RELCH: variants seen among roughly 807,000 people sequenced by gnomAD.
The protein encoded by RELCH is RAB11 binding and LisH domain, coiled-coil and HEAT repeat containing.
A neutral mutation model predicts 150.3 loss-of-function variants in RELCH; 41 were observed. The observed-to-expected ratio is 0.27, with a 90% CI of 0.21 to 0.35. The LOEUF (loss-of-function observed/expected upper bound fraction) is 0.35. Ranked by LOEUF, RELCH falls within the 10% of genes least tolerant of loss-of-function variation. The probability of loss-of-function intolerance (pLI) is 1.00; values close to 1 mark genes in which losing one functional copy is unlikely to be tolerated. For missense variants in RELCH, 1,092 were observed against 1,467.8 expected (o/e 0.74, Z 4.18); for synonymous variants, 478 against 531.8 (o/e 0.90, Z 1.39).
chr18:62,297,745 C>T (rs761604271), intron 27 of RELCH, among the ~76,000 whole-genome samples: 1 of 152,190 alleles, frequency 6.6e-6, no homozygotes, highest in African/African-American at 2.4e-5. Flanking sequence ...CTCCCTTGCT[C>T]ACCCTGCACC....
chr18:62,257,897 A>G (rs749788938), intron 13 of RELCH, 51 bp from the exon 14 acceptor site: 36 of 1,369,006 alleles, frequency 2.6e-5, no homozygotes, highest in Non-Finnish European at 3.6e-5. Flanking sequence ...ATTATTTTCT[A>G]TACTTCTGTG....
intron 1 of RELCH, among the ~76,000 whole-genome samples, chr18:62,204,101 T>A (rs4941120): frequency 0.41 from 62,876 of 151,958 alleles, 13,175 homozygotes; most frequent in Middle Eastern, 0.58. Flanking sequence ...AAGCAAAAAA[T>A]TTGATGATAT....
intron 1 of RELCH, among the ~76,000 whole-genome samples, chr18:62,196,990 C>A (rs11152336): frequency 0.73 from 111,188 of 152,074 alleles, 40,918 homozygotes; most frequent in East Asian, 0.91. Context: ...TTTGACCCTC[C>A]AGAGTGGGTA....
At chr18:62,273,957 G>A (rs960312937) in intron 20 of RELCH, 23 bp from the exon 21 acceptor site, 1 of 1,370,254 alleles carries the variant, frequency 7.3e-7, no homozygotes, top group Non-Finnish European at 1.0e-6. Context: ...TGGAAATTCA[G>A]TATCAGTATT....
Position 62,228,513 on chromosome 18 carries a change from A to T in RELCH, c.1363A>T (p.Asn455Tyr). Residue 455 changes from asparagine (N) to tyrosine (Y), a missense_variant, in exon 8 of 29, where the codon AAT becomes TAT. This residue lies in a region of RELCH where 707 missense variants were observed against 1,025.4 expected (regional missense o/e 0.69). Transcript: ENST00000644646. ...CACTATTCCTAAAGAGAATTCCCCA[A>T]ATTCATTCCCCAGGAGAGAAAGAGA... ...DSTIPKENSPNSFPRREREGM... is the reference protein window; with the variant it reads ...DSTIPKENSPYSFPRREREGM... 1.2e-6 allele frequency: 2 copies of T among 1,613,164 alleles called. No individual in the cohort carries two copies. Among genetic ancestry groups the T allele is most frequent in the Non-Finnish European group, 1.7e-6 (2 of 1,179,524 alleles).
chr18:62,204,513 G>A (rs953038002), intron 1 of RELCH, among the ~76,000 whole-genome samples: 1 of 151,844 alleles, frequency 6.6e-6, no homozygotes, highest in Non-Finnish European at 1.5e-5. Context: ...TCGATTTTTT[G>A]TAGAGACAAT....
intron 27 of RELCH, 21 bp from the exon 28 acceptor site, chr18:62,298,769 A>C (rs1568451419): frequency 1.7e-6 from 2 of 1,182,962 alleles, no homozygotes; most frequent in Non-Finnish European, 2.5e-6. Flanking sequence ...GTATTTCACT[A>C]AGGTAAATTT....
At chr18:62,188,477 T>C (rs2038332816) in intron 1 of RELCH, among the ~76,000 whole-genome samples, 3 of 152,228 alleles carry the variant, frequency 2.0e-5, no homozygotes, top group Admixed American at 2.0e-4. Flanking sequence ...ACTGCTGCTG[T>C]CTCCGAAAAG....
intron 11 of RELCH, among the ~76,000 whole-genome samples, chr18:62,245,649 T>G (rs917743919): frequency 2.0e-5 from 3 of 151,954 alleles, no homozygotes; most frequent in Non-Finnish European, 2.9e-5. Flanking sequence ...AAAGTTAAGT[T>G]TCTCAAGGTT....
chr18:62,195,663 C>G (rs547974764), intron 1 of RELCH, among the ~76,000 whole-genome samples: 3 of 151,916 alleles, frequency 2.0e-5, no homozygotes, highest in East Asian at 3.9e-4. Flanking sequence ...AATCATTTCA[C>G]CTATGAGCTT....
chr18:62,211,123 A>T (rs561027549), intron 1 of RELCH, 30 bp from the exon 2 acceptor site: 41 of 1,239,150 alleles, frequency 3.3e-5, no homozygotes, highest in East Asian at 1.2e-4. Flanking sequence ...CAATTAAATT[A>T]AAAAACTTTT....
intron 10 of RELCH, among the ~76,000 whole-genome samples, chr18:62,241,960 C>A (rs1195719682): frequency 6.6e-6 from 1 of 152,086 alleles, no homozygotes; most frequent in African/African-American, 2.4e-5. Context: ...GAGAAATTAG[C>A]ATATTTGGGG....
In RELCH at chr18:62,187,439, C is replaced by T. The variant is rs1378092804; in HGVS notation, c.-67C>T. The T allele has an allele frequency of 1.4e-6, 2 of 1,464,818 alleles. No individual in the cohort carries two copies. The highest frequency in any genetic ancestry group is 2.8e-5 in the African/African-American group (2 of 70,934). The allele number at this position is 1,464,818 out of a possible 1,614,324, so 90.7% of individuals were successfully genotyped here. On this transcript the variant is annotated 5_prime_UTR_variant, in exon 1 of 29. Transcript: ENST00000644646. ...GGAGGTGCGCTGTGTCCCCTGAGGC[C>T]TAGAGGATTCGGGCTGCGGCCCGTC...
chr18:62,210,287 A>G (rs1261966509), intron 1 of RELCH, among the ~76,000 whole-genome samples: 1 of 151,956 alleles, frequency 6.6e-6, no homozygotes, highest in Non-Finnish European at 1.5e-5. Flanking sequence ...ACCTGTACCT[A>G]CCCCATCTCT....
chr18:62,232,751 C>T (rs1213351244), intron 10 of RELCH, among the ~76,000 whole-genome samples: 1 of 151,930 alleles, frequency 6.6e-6, no homozygotes, highest in South Asian at 2.1e-4. Context: ...ATTATCTGTG[C>T]TCTTGGTATG....
At chr18:62,249,221 A>G (rs1470423417) in intron 11 of RELCH, among the ~76,000 whole-genome samples, 1 of 152,204 alleles carries the variant, frequency 6.6e-6, no homozygotes, top group Admixed American at 6.5e-5. Context: ...ATGAACTATG[A>G]AAGATATCAA....
chr18:62,247,345 A>T (rs1033017275), intron 11 of RELCH: 7 of 152,214 alleles, frequency 4.6e-5, no homozygotes, highest in African/African-American at 7.2e-5. Flanking sequence ...CCTAAAAAAG[A>T]GGCAAGAATT....
chr18:62,277,760 A>C (rs1040932468), intron 22 of RELCH: 23 of 831,658 alleles, frequency 2.8e-5, no homozygotes, highest in Non-Finnish European at 3.2e-5. Flanking sequence ...AAATAAGGGA[A>C]TATAAATTAC....
intron 14 of RELCH, among the ~76,000 whole-genome samples, 183 bp from the exon 15 acceptor site, chr18:62,258,329 T>C (rs561884058): frequency 6.6e-6 from 1 of 152,150 alleles, no homozygotes; most frequent in South Asian, 2.1e-4. Flanking sequence ...ATTCTATGTT[T>C]ACCACTCCCT....
Sources: gnomAD v4.1 joint callset for allele counts (sites outside exome capture counted in the v4.1 genomes callset) on GRCh38, gnomAD v4.1.1 for gene constraint, gnomAD v4.1.1 regional missense constraint, MANE v1.5 for transcripts, NCBI Gene and HGNC (gene_info 2026-07-23, HGNC 2026-07-21) for gene names.